The following LCLAT1 variants were observed in gnomAD, a reference collection of about 807,000 sequenced individuals.
LCLAT1 encodes the protein lysocardiolipin acyltransferase 1, also known as 1-AGP acyltransferase 8.
A neutral mutation model predicts 30.7 loss-of-function variants in LCLAT1; 11 were observed. That is an observed-to-expected ratio of 0.36 (90% CI 0.23 to 0.59). The LOEUF (loss-of-function observed/expected upper bound fraction) is 0.59, where lower values mean the gene tolerates loss of function less well. Ranked by LOEUF, LCLAT1 falls within the 20% of genes least tolerant of loss-of-function variation. The pLI is 0.77. For missense variants in LCLAT1, 402 were observed against 458.6 expected (o/e 0.88, Z 1.13); for synonymous variants, 155 against 151.3 (o/e 1.02, Z -0.18).
intron 5 of LCLAT1, among the ~76,000 whole-genome samples, chr2:30,635,203 G>C (rs1239253199): frequency 2.6e-5 from 4 of 151,720 alleles, no homozygotes; most frequent in Non-Finnish European, 5.9e-5. Flanking sequence ...ACCAGTCTGA[G>C]TGACATAGCA....
intron 5 of LCLAT1, among the ~76,000 whole-genome samples, chr2:30,574,072 G>A (rs1030067587): frequency 6.6e-6 from 1 of 151,938 alleles, no homozygotes; most frequent in African/African-American, 2.4e-5. Flanking sequence ...AACCTGGGAG[G>A]TGGAGGTTGC....
intron 4 of LCLAT1, among the ~76,000 whole-genome samples, chr2:30,563,133 T>C (rs1182861453): frequency 6.6e-6 from 1 of 151,986 alleles, no homozygotes. Flanking sequence ...AGCCTTGAAC[T>C]CCTGGGCTCA....
intron 1 of LCLAT1, among the ~76,000 whole-genome samples, chr2:30,515,151 A>T (rs1264618345): frequency 6.6e-6 from 1 of 152,128 alleles, no homozygotes; most frequent in Non-Finnish European, 1.5e-5. Flanking sequence ...TGCCTGGAGT[A>T]TTCTCTCCCC....
At chr2:30,458,142 C>G (rs191079897) in intron 1 of LCLAT1, among the ~76,000 whole-genome samples, 3 of 152,128 alleles carry the variant, frequency 2.0e-5, no homozygotes, top group East Asian at 3.9e-4. Context: ...ACAATAGTTG[C>G]TTTTGGAGAG....
At position 30,600,974 on chromosome 2, in the gene LCLAT1, G is replaced by C. The variant is rs546850491; in HGVS notation, c.628+32798G>C. Among the ~76,000 whole-genome samples, 5 of 150,070 alleles carry C rather than the reference G, an allele frequency of 3.3e-5. No individual in the cohort carries two copies. The East Asian group carries it at 7.9e-4, about 24-fold the overall frequency. On this transcript the variant is annotated intron_variant, in intron 5 of 5. Transcript: ENST00000379509. ...TAATCCCATAGTTCTTGGAGGTTTT[G>C]TTCATTTCTTTTAATTCTTTTTTCT... is the stretch of plus-strand genomic sequence containing the variant.
chr2:30,585,181 C>T (rs768622846), intron 5 of LCLAT1, among the ~76,000 whole-genome samples: 2 of 151,978 alleles, frequency 1.3e-5, no homozygotes, highest in African/African-American at 2.4e-5. Flanking sequence ...ATGCCTCTTC[C>T]TTGTTTCCCT....
At chr2:30,460,323 A>G (rs1262010586) in intron 1 of LCLAT1, among the ~76,000 whole-genome samples, 1 of 152,064 alleles carries the variant, frequency 6.6e-6, no homozygotes, top group East Asian at 1.9e-4. Flanking sequence ...TTCATTCTCA[A>G]TCCCATATTC....
chr2:30,634,730 G>A (rs1382428915), intron 5 of LCLAT1, among the ~76,000 whole-genome samples: 2 of 152,158 alleles, frequency 1.3e-5, no homozygotes. Context: ...AGATTTAAAG[G>A]CAGTATAAAT....
intron 1 of LCLAT1, among the ~76,000 whole-genome samples, chr2:30,500,042 A>G (rs988838903): frequency 7.2e-5 from 11 of 152,206 alleles, no homozygotes; most frequent in Non-Finnish European, 1.5e-4. Context: ...ATACTTTTAT[A>G]TAAAGCCATT....
intron 3 of LCLAT1, among the ~76,000 whole-genome samples, chr2:30,534,914 T>C (rs961628665): frequency 2.0e-5 from 3 of 152,144 alleles, no homozygotes; most frequent in Non-Finnish European, 2.9e-5. Flanking sequence ...AAGGCACATA[T>C]TACCAGTAGC....
chr2:30,560,579 C>CTG (rs1189488378), intron 3 of LCLAT1, among the ~76,000 whole-genome samples: 2 of 151,978 alleles, frequency 1.3e-5, no homozygotes, highest in African/African-American at 4.8e-5. Flanking sequence ...CTCAGGTGAT[C>CTG]CATAGCCTCG....
intron 5 of LCLAT1, among the ~76,000 whole-genome samples, chr2:30,626,320 C>T (rs1668507085): frequency 1.3e-5 from 2 of 152,102 alleles, no homozygotes; most frequent in Admixed American, 1.3e-4. Context: ...TTTGTTACTG[C>T]TCTTGTTTTC....
chr2:30,539,081 T>C (rs1289662313), intron 3 of LCLAT1, among the ~76,000 whole-genome samples: 1 of 151,412 alleles, frequency 6.6e-6, no homozygotes, highest in Admixed American at 6.6e-5. Context: ...TGCCTCAGCC[T>C]CTGGAGTAGC....
At chr2:30,632,942 G>A (rs1389843529) in intron 5 of LCLAT1, among the ~76,000 whole-genome samples, 1 of 152,174 alleles carries the variant, frequency 6.6e-6, no homozygotes, top group East Asian at 1.9e-4. Context: ...TACTGTTTGA[G>A]CCTTAATACC....
chr2:30,539,920 T>C lies in LCLAT1; in HGVS notation c.364+6606T>C, dbSNP rs1447744100. Among the ~76,000 whole-genome samples, 4 of 152,192 alleles carry C rather than the reference T, an allele frequency of 2.6e-5. No homozygotes were observed. In the East Asian group the frequency reaches 5.8e-4, roughly 22 times the overall value. On this transcript the variant is annotated intron_variant, in intron 3 of 5. Transcript: ENST00000379509. ...TTTGCCTTGTTCCACATAGATACTA[T>C]GGGGTGGCAATAAATTATGAAACCT...
intron 5 of LCLAT1, among the ~76,000 whole-genome samples, chr2:30,571,362 C>T (rs138635405): frequency 3.4e-4 from 52 of 152,260 alleles, no homozygotes; most frequent in African/African-American, 1.2e-3. Flanking sequence ...GTTTGTGGGA[C>T]GCTCATGTTT....
intron 1 of LCLAT1, among the ~76,000 whole-genome samples, chr2:30,524,860 T>C (rs972142931): frequency 2.0e-5 from 3 of 152,188 alleles, no homozygotes; most frequent in African/African-American, 7.2e-5. Context: ...CTATCTGTGA[T>C]TCAGGCATCT....
intron 5 of LCLAT1, among the ~76,000 whole-genome samples, chr2:30,587,361 C>T (rs1267455457): frequency 2.6e-5 from 4 of 152,072 alleles, no homozygotes; most frequent in Non-Finnish European, 5.9e-5. Context: ...GACGCAACAT[C>T]TTTCTCATGC....
intron 1 of LCLAT1, among the ~76,000 whole-genome samples, chr2:30,495,474 T>C (rs1411108588): frequency 6.6e-6 from 1 of 151,974 alleles, no homozygotes; most frequent in Non-Finnish European, 1.5e-5. Flanking sequence ...GTAATAATTC[T>C]CTAATTGCAA....
Sources: gnomAD v4.1 joint callset for allele counts (sites outside exome capture counted in the v4.1 genomes callset) on GRCh38, gnomAD v4.1.1 for gene constraint, MANE v1.5 for transcripts, NCBI Gene and HGNC (gene_info 2026-07-23, HGNC 2026-07-21) for gene names.